Variants in SDK1 observed in about 807,000 individuals in gnomAD.
SDK1 encodes the protein protein sidekick-1.
Under a neutral mutation model 245.5 loss-of-function variants are expected in SDK1, and 157 were observed. The ratio of observed to expected loss-of-function variants is 0.64; its 90% CI spans 0.56 to 0.73. The LOEUF is 0.73. Ranked by LOEUF, SDK1 falls within the 30% of genes least tolerant of loss-of-function variation. The probability of loss-of-function intolerance (pLI) is 0.00; values close to 1 mark genes in which losing one functional copy is unlikely to be tolerated. For synonymous variants in SDK1, 1,647 were observed against 1,278.5 expected, an observed-to-expected ratio of 1.29 and a Z score of -6.15; for missense variants, 3,583 against 3,002.3, an observed-to-expected ratio of 1.19 and a Z score of -4.52.
chr7:4,266,842 A>G lies in SDK1; in HGVS notation c.*1458A>G. Reference sequence around the variant, plus strand: ...TCACCAGCAGCAGCGTGACACACACAAGACTCAAGACCACCCTGTCAGTGC... The same window carrying G: ...TCACCAGCAGCAGCGTGACACACACGAGACTCAAGACCACCCTGTCAGTGC... On this transcript the variant is annotated 3_prime_UTR_variant, in exon 45 of 45. Transcript: ENST00000404826. 1.0e-6 allele frequency: 1 copy of G among 985,506 alleles called. No individual in the cohort carries two copies. The highest frequency in any genetic ancestry group is 1.2e-6 in the Non-Finnish European group (1 of 830,008). The allele number at this position is 985,506 out of a possible 1,614,324, so 61.0% of individuals were successfully genotyped here. A position where few individuals can be genotyped will look rare whatever the true frequency, so the allele number is the denominator to read the frequency against.
chr7:3,869,195 G>A (rs1005457454), intron 5 of SDK1, among the ~76,000 whole-genome samples: 4 of 134,810 alleles, frequency 3.0e-5, no homozygotes, highest in African/African-American at 5.8e-5. Flanking sequence ...TCACTCTGTC[G>A]CCCAGGCTGG....
intron 5 of SDK1, 133 bp downstream of exon 5, chr7:3,821,716 C>T (rs948808079): frequency 2.3e-6 from 2 of 869,474 alleles, no homozygotes; most frequent in Non-Finnish European, 3.4e-6. Context: ...AATATTGATC[C>T]AGTGCCAATA....
chr7:3,933,701 G>A (rs1320858577), intron 5 of SDK1, among the ~76,000 whole-genome samples: 15 of 152,200 alleles, frequency 9.9e-5, no homozygotes, highest in Admixed American at 3.3e-4. Flanking sequence ...GTGGGAATAC[G>A]TGAGAAAAAA....
chr7:4,104,713 T>C (rs1264007500), intron 22 of SDK1, among the ~76,000 whole-genome samples: 1 of 152,168 alleles, frequency 6.6e-6, no homozygotes. Flanking sequence ...TATTTATTTA[T>C]TTATTTTTGA....
chr7:3,650,812 C>T (rs567215516), intron 4 of SDK1, among the ~76,000 whole-genome samples: 51 of 142,526 alleles, frequency 3.6e-4, no homozygotes, highest in Admixed American at 7.2e-4. Flanking sequence ...CAGTATGTGA[C>T]CTGTGGGGAT....
At chr7:3,783,486 A>C (rs966471644) in intron 4 of SDK1, among the ~76,000 whole-genome samples, 1 of 151,864 alleles carries the variant, frequency 6.6e-6, no homozygotes, top group Non-Finnish European at 1.5e-5. Context: ...AAAAAAAAAA[A>C]CCCTGTTGGA....
At chr7:4,015,724 C>T (rs1027896841) in intron 16 of SDK1, among the ~76,000 whole-genome samples, 1 of 152,164 alleles carries the variant, frequency 6.6e-6, no homozygotes. Flanking sequence ...CACGGAATAA[C>T]GCTGTCCCTT....
Position 3,619,051 on chromosome 7 carries a change from T to C in SDK1, c.299-29T>C, listed in dbSNP as rs759994630. 8 of 1,518,182 alleles carry C rather than the reference T, an allele frequency of 5.3e-6. No homozygotes were observed. The African/African-American group carries it at 1.1e-4, about 21-fold the overall frequency. The allele number at this position is 1,518,182 out of a possible 1,614,324, so 94.0% of individuals were successfully genotyped here. On this transcript the variant is annotated intron_variant, in intron 1 of 44. Coordinates refer to ENST00000404826, the MANE Select transcript of SDK1 (RefSeq NM_152744.4). ...TGCCACTTTCATGCGTACTTCAGTT[T>C]TGTTTTGTTTTGTTTTTTAATATTT... is the stretch of plus-strand genomic sequence containing the variant.
intron 19 of SDK1, among the ~76,000 whole-genome samples, chr7:4,053,086 C>CAAAA (rs923402926): frequency 1.7e-5 from 1 of 60,132 alleles, no homozygotes. Flanking sequence ...GACTCTGTCT[C>CAAAA]AAAAAAAAAA....
intron 4 of SDK1, among the ~76,000 whole-genome samples, chr7:3,744,129 T>G (rs933953863): frequency 6.6e-5 from 10 of 152,102 alleles, no homozygotes; most frequent in African/African-American, 2.2e-4. Flanking sequence ...TTCATCTGCC[T>G]TGAATGCTAT....
chr7:3,793,211 C>T (rs776575512), intron 4 of SDK1, among the ~76,000 whole-genome samples: 9 of 152,104 alleles, frequency 5.9e-5, no homozygotes, highest in Non-Finnish European at 8.8e-5. Context: ...CCGTAAAAGA[C>T]ATTACATTTC....
intron 1 of SDK1, among the ~76,000 whole-genome samples, chr7:3,616,028 G>A (rs1781759820): frequency 6.6e-6 from 1 of 152,040 alleles, no homozygotes; most frequent in Non-Finnish European, 1.5e-5. Context: ...GGGACTGCAG[G>A]TGTATATCAC....
At chr7:3,524,987 G>A (rs1402485369) in intron 1 of SDK1, among the ~76,000 whole-genome samples, 3 of 151,964 alleles carry the variant, frequency 2.0e-5, no homozygotes, top group African/African-American at 7.3e-5. Context: ...AACCAATTGT[G>A]GATCAGAAAT....
At chr7:3,693,218 A>T (rs1236424182) in intron 4 of SDK1, among the ~76,000 whole-genome samples, 1 of 151,954 alleles carries the variant, frequency 6.6e-6, no homozygotes, top group Non-Finnish European at 1.5e-5. Context: ...TAAACACCAA[A>T]TTTTTTTCTT....
intron 1 of SDK1, among the ~76,000 whole-genome samples, chr7:3,476,564 T>G (rs1781353307): frequency 6.6e-6 from 1 of 152,276 alleles, no homozygotes; most frequent in Non-Finnish European, 1.5e-5. Context: ...TATCATTATT[T>G]TGTTTCAGAA....
chr7:3,591,176 G>A lies in SDK1; in HGVS notation c.299-27904G>A, dbSNP rs187483294. Among the ~76,000 whole-genome samples the A allele has an allele frequency of 2.4e-3, 368 of 152,322 alleles. 3 individuals carry two copies. Among genetic ancestry groups the A allele is most frequent in the South Asian group, 0.018 (85 of 4,828 alleles). ...GGCAGCTCCTATCAACCTGTAGGCA[G>A]TTCAAGGTGTTAACCTTTATCTTTA... On this transcript the variant is annotated intron_variant, in intron 1 of 44. Coordinates refer to ENST00000404826, the MANE Select transcript of SDK1 (RefSeq NM_152744.4).
intron 5 of SDK1, among the ~76,000 whole-genome samples, chr7:3,863,067 C>G (rs1294675060): frequency 6.6e-6 from 1 of 152,166 alleles, no homozygotes; most frequent in African/African-American, 2.4e-5. Context: ...CAGTCTGCGG[C>G]CTGGAGGGTG....
intron 1 of SDK1, among the ~76,000 whole-genome samples, chr7:3,420,084 T>C (rs1180890973): frequency 2.6e-5 from 4 of 152,178 alleles, no homozygotes; most frequent in African/African-American, 9.7e-5. Context: ...TGGAGAGCTT[T>C]CCATACTTCT....
chr7:4,218,387 C>T (rs942174779), intron 38 of SDK1, among the ~76,000 whole-genome samples: 2 of 149,942 alleles, frequency 1.3e-5, no homozygotes, highest in Non-Finnish European at 3.0e-5. Flanking sequence ...AGCGAGACTC[C>T]GTCTCAAAAA....
Sources: allele counts gnomAD v4.1 joint callset (sites outside exome capture counted in the v4.1 genomes callset), GRCh38; gene constraint gnomAD v4.1.1; transcripts MANE v1.5; gene names NCBI Gene and HGNC (gene_info 2026-07-23, HGNC 2026-07-21).